CEP112: variants seen among roughly 807,000 people sequenced by gnomAD.
The protein encoded by CEP112 is centrosomal protein of 112 kDa.
CEP112 carries 127 observed loss-of-function variants against 153.0 expected under a neutral mutation model. The observed-to-expected ratio is 0.83, with a 90% CI of 0.72 to 0.96. The LOEUF (loss-of-function observed/expected upper bound fraction) is 0.96. CEP112 is among the 40% of genes least tolerant of loss of function. The probability of loss-of-function intolerance (pLI) is 0.00; values close to 1 mark genes in which losing one functional copy is unlikely to be tolerated. For missense variants in CEP112, 1,089 were observed against 1,101.2 expected, an observed-to-expected ratio of 0.99 and a Z score of 0.16; for synonymous variants, 358 against 374.4, an observed-to-expected ratio of 0.96 and a Z score of 0.51.
chr17:65,664,040 T>C (rs2046549917), intron 24 of CEP112, among the ~76,000 whole-genome samples: 1 of 152,094 alleles, frequency 6.6e-6, no homozygotes, highest in African/African-American at 2.4e-5. Flanking sequence ...AGCAAGACTC[T>C]GTCTCAAAAA....
intron 11 of CEP112, among the ~76,000 whole-genome samples, chr17:66,055,236 A>G (rs531507684): frequency 6.6e-6 from 1 of 152,324 alleles, no homozygotes; most frequent in East Asian, 1.9e-4. Context: ...AAAGGTCTCA[A>G]GAACGCTTCT....
intron 17 of CEP112, among the ~76,000 whole-genome samples, chr17:65,978,438 C>T (rs1442793884): frequency 6.6e-6 from 1 of 152,210 alleles, no homozygotes; most frequent in East Asian, 1.9e-4. Context: ...CCAGCTCGGT[C>T]ACGTGCCAAC....
chr17:66,110,117 G>C (rs2068960821), intron 6 of CEP112, among the ~76,000 whole-genome samples: 1 of 152,150 alleles, frequency 6.6e-6, no homozygotes, highest in African/African-American at 2.4e-5. Flanking sequence ...CCAAGATTGT[G>C]CCACTGCACT....
chr17:65,840,278 A>G (rs375802915), intron 21 of CEP112, among the ~76,000 whole-genome samples: 1 of 152,130 alleles, frequency 6.6e-6, no homozygotes, highest in Non-Finnish European at 1.5e-5. Context: ...CAAAGCTATC[A>G]TAACCAAAAC....
At chr17:65,637,991 C>T (rs1226373756) in intron 25 of CEP112, among the ~76,000 whole-genome samples, 4 of 152,210 alleles carry the variant, frequency 2.6e-5, no homozygotes, top group African/African-American at 7.2e-5. Context: ...TGGTTCAATT[C>T]CTGGCTTGCC....
At chr17:65,667,027 C>T (rs1205877579) in intron 24 of CEP112, among the ~76,000 whole-genome samples, 1 of 152,078 alleles carries the variant, frequency 6.6e-6, no homozygotes, top group East Asian at 1.9e-4. Context: ...TAGTTTACAT[C>T]TGGTTTTGTA....
intron 4 of CEP112, among the ~76,000 whole-genome samples, chr17:66,168,437 ATATATGTGTGTGTATATATG>A (rs1247931179): frequency 2.1e-5 from 3 of 142,948 alleles, no homozygotes; most frequent in Non-Finnish European, 4.7e-5. Context: ...ATATATGTAT[ATATATGTGTGTGTATATATG>A]TATATGTGTG....
chr17:66,150,673 T>C (rs988454845), intron 4 of CEP112, among the ~76,000 whole-genome samples: 14 of 152,240 alleles, frequency 9.2e-5, no homozygotes, highest in Admixed American at 5.2e-4. Context: ...AGTTATTGGA[T>C]GGGGTATTTT....
At chr17:65,658,600 G>A (rs919624650) in intron 24 of CEP112, among the ~76,000 whole-genome samples, 4 of 152,102 alleles carry the variant, frequency 2.6e-5, no homozygotes, top group Non-Finnish European at 5.9e-5. Flanking sequence ...AGGAGCAGAG[G>A]AAACATTCAT....
At chr17:65,739,569 C>T in intron 23 of CEP112, among the ~76,000 whole-genome samples, 1 of 152,036 alleles carries the variant, frequency 6.6e-6, no homozygotes, top group East Asian at 1.9e-4. Context: ...AACCCCATCT[C>T]TACTAAAAAT....
intron 20 of CEP112, among the ~76,000 whole-genome samples, chr17:65,871,318 T>C (rs1356545524): frequency 1.3e-5 from 2 of 152,184 alleles, no homozygotes; most frequent in Admixed American, 6.5e-5. Context: ...TTTGGTGCAC[T>C]GTGTTCACTC....
intron 21 of CEP112, among the ~76,000 whole-genome samples, chr17:65,831,749 A>G (rs994951702): frequency 2.0e-5 from 3 of 152,218 alleles, no homozygotes; most frequent in Non-Finnish European, 1.5e-5. Flanking sequence ...GAAAGTTTCA[A>G]CAGCAGACTT....
intron 21 of CEP112, among the ~76,000 whole-genome samples, chr17:65,772,167 A>C (rs2053392832): frequency 6.6e-6 from 1 of 152,244 alleles, no homozygotes. Context: ...GAGTTGAAAA[A>C]TAAGTGGTAT....
intron 19 of CEP112, among the ~76,000 whole-genome samples, chr17:65,905,989 A>G (rs937683577): frequency 1.4e-4 from 22 of 151,918 alleles, no homozygotes; most frequent in Non-Finnish European, 2.2e-4. Context: ...TTATTGCAGC[A>G]CCCTTCACAA....
At chr17:66,167,169 G>T (rs1175139720) in intron 4 of CEP112, among the ~76,000 whole-genome samples, 1 of 152,114 alleles carries the variant, frequency 6.6e-6, no homozygotes, top group East Asian at 1.9e-4. Context: ...ATGACTTTTA[G>T]TAACTGAAAA....
intron 23 of CEP112, among the ~76,000 whole-genome samples, chr17:65,741,863 G>A (rs945526395): frequency 4.0e-5 from 6 of 151,360 alleles, no homozygotes; most frequent in African/African-American, 1.5e-4. Flanking sequence ...CACTTCCTGT[G>A]CATTTGTAAA....
At chr17:65,838,597 T>A in intron 21 of CEP112, among the ~76,000 whole-genome samples, 1 of 151,916 alleles carries the variant, frequency 6.6e-6, no homozygotes, top group Non-Finnish European at 1.5e-5. Context: ...CTAGGAAATA[T>A]AAAAGGTAGA....
intron 23 of CEP112, among the ~76,000 whole-genome samples, chr17:65,724,504 T>C (rs1452472430): frequency 6.6e-6 from 1 of 152,200 alleles, no homozygotes; most frequent in African/African-American, 2.4e-5. Flanking sequence ...TTATGCAGAA[T>C]CAGTTATGAT....
intron 25 of CEP112, among the ~76,000 whole-genome samples, chr17:65,640,154 A>ATTTTTT (rs529025836): frequency 0.05 from 3,914 of 78,004 alleles, 141 homozygotes; most frequent in Non-Finnish European, 0.064. Flanking sequence ...ATATATATAT[A>ATTTTTT]TTTTTTTTTT....
Sources: allele counts gnomAD v4.1 joint callset (sites outside exome capture counted in the v4.1 genomes callset), GRCh38; gene constraint gnomAD v4.1.1; transcripts MANE v1.5; gene names NCBI Gene and HGNC (gene_info 2026-07-23, HGNC 2026-07-21).